Variants in COG6 observed in about 807,000 individuals in gnomAD.
The protein encoded by COG6 is component of oligomeric golgi complex 6.
In COG6, 74 loss-of-function variants were observed where a neutral mutation model predicts 88.8. That is an observed-to-expected ratio of 0.83 (90% CI 0.69 to 1.01). The LOEUF (loss-of-function observed/expected upper bound fraction) is 1.01. Among genes scored for constraint, COG6 ranks in the 50% least tolerant of loss-of-function variants. The pLI, the probability that COG6 is intolerant of heterozygous loss-of-function variation, is 0.00. For synonymous variants in COG6, 286 were observed against 278.7 expected (o/e 1.03, Z -0.26); for missense variants, 800 against 797.9 (o/e 1.00, Z -0.03).
In COG6 at chr13:39,717,371, A is replaced by C. The variant is rs867369162; in HGVS notation, c.1285-1865A>C. Reference sequence around the variant, plus strand: ...AATGTTTTTTAAAGTCAAAATTGGTAATCTTTCTGTCATTGTTTCTTCACT... The same window carrying C: ...AATGTTTTTTAAAGTCAAAATTGGTCATCTTTCTGTCATTGTTTCTTCACT... On this transcript the variant is annotated intron_variant, in intron 13 of 18. Transcript: ENST00000455146. 3.3e-5 allele frequency among the ~76,000 whole-genome samples: 5 copies of C among 151,104 alleles called. No homozygotes were observed. The Middle Eastern group carries it at 0.01, about 308-fold the overall frequency.
rs531006868 is a variant in COG6, at chr13:39,679,880, A to G, written c.624-95A>G. The G allele has an allele frequency of 1.5e-5, 11 of 714,062 alleles. No individual in the cohort carries two copies. The South Asian group carries it at 1.8e-4, about 12-fold the overall frequency. The allele number at this position is 714,062 out of a possible 1,614,324, so 44.2% of individuals were successfully genotyped here. On this transcript the variant is annotated intron_variant, in intron 6 of 18. Transcript: ENST00000455146. ...CATCCCATAAAATGATAAAAAGTTA[A>G]TATGCTGTAATATGTAATATGCAAA... is the stretch of plus-strand genomic sequence containing the variant.
At chr13:39,662,266 A>T (rs1874949758) in intron 3 of COG6, among the ~76,000 whole-genome samples, 1 of 150,726 alleles carries the variant, frequency 6.6e-6, no homozygotes, top group South Asian at 2.1e-4. Context: ...AGCTAGGATT[A>T]CAGGCGCCTG....
intron 18 of COG6, among the ~76,000 whole-genome samples, chr13:39,745,612 A>G (rs1423719083): frequency 6.6e-6 from 1 of 152,210 alleles, no homozygotes; most frequent in East Asian, 1.9e-4. Flanking sequence ...GGATGTGGAG[A>G]AATAGGAATG....
chr13:39,715,502 G>A (rs1878481112), intron 13 of COG6, among the ~76,000 whole-genome samples: 1 of 151,830 alleles, frequency 6.6e-6, no homozygotes, highest in Non-Finnish European at 1.5e-5. Context: ...TTCTATAGCT[G>A]TCTATTTCTA....
chr13:39,672,768 GA>G (rs1194670661), intron 4 of COG6, among the ~76,000 whole-genome samples: 1 of 152,070 alleles, frequency 6.6e-6, no homozygotes, highest in African/African-American at 2.4e-5. Flanking sequence ...TTTAGGGGTA[GA>G]ATTGCTGAAT....
rs746634520 is a variant in COG6, at chr13:39,655,665, C to T, written c.-62C>T. 1.1e-4 allele frequency: 176 copies of T among 1,536,980 alleles called. 3 individuals are homozygous for T. The East Asian group carries it at 1.4e-3, about 13-fold the overall frequency. On this transcript the variant is annotated 5_prime_UTR_variant, in exon 1 of 19. Coordinates refer to ENST00000455146, the MANE Select transcript of COG6 (RefSeq NM_020751.3). ...GGCCGATTTGCACATGCGCAATACT[C>T]GCGCTGCCTCCGTGGTCCCTGCCTG...
At chr13:39,667,798 CAG>C (rs1205665916) in intron 4 of COG6, among the ~76,000 whole-genome samples, 1 of 152,010 alleles carries the variant, frequency 6.6e-6, no homozygotes, top group Non-Finnish European at 1.5e-5. Flanking sequence ...TTGAAAAAAA[CAG>C]AATTGTTTAT....
At chr13:39,761,520 A>G (rs1881012650) in intron 18 of COG6, among the ~76,000 whole-genome samples, 1 of 152,030 alleles carries the variant, frequency 6.6e-6, no homozygotes, top group African/African-American at 2.4e-5. Flanking sequence ...AACAAAAGCA[A>G]AAATGGACAA....
intron 18 of COG6, among the ~76,000 whole-genome samples, chr13:39,775,217 C>T (rs549572409): frequency 2.0e-5 from 3 of 152,196 alleles, no homozygotes; most frequent in South Asian, 4.2e-4. Flanking sequence ...GTAACATAAC[C>T]TAGTTTGTCT....
At chr13:39,756,876 T>C (rs1373621289), downstream of COG6, among the ~76,000 whole-genome samples, 1 of 152,068 alleles carries the variant, frequency 6.6e-6, no homozygotes, top group East Asian at 1.9e-4. Context: ...AAGTGATTGC[T>C]CAACGGAGTA....
chr13:39,754,909 A>G (rs1355755111), downstream of COG6, among the ~76,000 whole-genome samples: 1 of 152,202 alleles, frequency 6.6e-6, no homozygotes, highest in African/African-American at 2.4e-5. Flanking sequence ...TGTCCTTGGT[A>G]TAAGAGGTTG....
intron 18 of COG6, among the ~76,000 whole-genome samples, chr13:39,742,596 T>A (rs1416997091): frequency 6.6e-6 from 1 of 152,088 alleles, no homozygotes; most frequent in African/African-American, 2.4e-5. Flanking sequence ...GCACCCAGAT[T>A]CATAAAGCAA....
intron 8 of COG6, among the ~76,000 whole-genome samples, chr13:39,684,243 A>ATTTTTTTTTTTTTTTTTTG (rs1876494026): frequency 1.5e-5 from 1 of 67,382 alleles, no homozygotes; most frequent in Non-Finnish European, 2.5e-5. Flanking sequence ...AATTTGGAAG[A>ATTTTTTTTTTTTTTTTTTG]TTTTTTTTTT....
In COG6 at chr13:39,718,850, G is replaced by A. The variant is rs145018033; in HGVS notation, c.1285-386G>A. On this transcript the variant is annotated intron_variant, in intron 13 of 18. Transcript: ENST00000455146. ...AAATTTGGGCCTGAGAGTAGGTGAC[G>A]TTTCTCAATTATATTATAGTTGGAA... Among the ~76,000 whole-genome samples the A allele has an allele frequency of 1.3e-3, 192 of 152,102 alleles. 2 individuals are homozygous for A. The highest frequency in any genetic ancestry group is 4.4e-3 in the African/African-American group (183 of 41,506).
At chr13:39,674,912 C>G (rs1334742746) in intron 4 of COG6, among the ~76,000 whole-genome samples, 1 of 152,032 alleles carries the variant, frequency 6.6e-6, no homozygotes, top group Non-Finnish European at 1.5e-5. Flanking sequence ...GGACTATATC[C>G]CCCGAGGATA....
At chr13:39,772,225 C>A (rs891531866) in intron 18 of COG6, among the ~76,000 whole-genome samples, 1 of 152,230 alleles carries the variant, frequency 6.6e-6, no homozygotes, top group South Asian at 2.1e-4. Context: ...TAACCTCTTA[C>A]AGTAGTTGTC....
chr13:39,754,256 C>A (rs1880761011), downstream of COG6, among the ~76,000 whole-genome samples: 1 of 152,092 alleles, frequency 6.6e-6, no homozygotes, highest in Admixed American at 6.6e-5. Flanking sequence ...GTTACTTCAA[C>A]CTTTTCTATC....
chr13:39,752,596 A>G lies in COG6; in HGVS notation c.*1503A>G, dbSNP rs932618385. On this transcript the variant is annotated 3_prime_UTR_variant, in exon 19 of 19. Transcript: ENST00000455146. ...ATAGGGAAAATTTATTGTGCTTTTTACCTGGTTTTTTCAAATAAAATATTA... is the reference window on the plus strand; with the variant it reads ...ATAGGGAAAATTTATTGTGCTTTTTGCCTGGTTTTTTCAAATAAAATATTA... 5.5e-6 allele frequency: 7 copies of G among 1,266,760 alleles called. No individual in the cohort carries two copies. The highest frequency in any genetic ancestry group is 6.2e-6 in the Non-Finnish European group (6 of 975,152). The allele number at this position is 1,266,760 out of a possible 1,614,324, so 78.5% of individuals were successfully genotyped here. A position where few individuals can be genotyped will look rare whatever the true frequency, so the allele number is the denominator to read the frequency against.
intron 18 of COG6, among the ~76,000 whole-genome samples, chr13:39,729,511 T>A (rs919702626): frequency 1.6e-4 from 25 of 152,190 alleles, no homozygotes; most frequent in Non-Finnish European, 5.9e-5. Flanking sequence ...TAAATTATTC[T>A]TAATATATTA....
Sources: allele counts gnomAD v4.1 joint callset (sites outside exome capture counted in the v4.1 genomes callset), GRCh38; gene constraint gnomAD v4.1.1; transcripts MANE v1.5; gene names NCBI Gene and HGNC (gene_info 2026-07-23, HGNC 2026-07-21).